Variants in GOLGB1 observed in about 807,000 individuals in gnomAD.
GOLGB1 encodes golgin B1, also known as golgin subfamily B member 1.
In GOLGB1, 174 loss-of-function variants were observed where a neutral mutation model predicts 336.9. The ratio of observed to expected loss-of-function variants is 0.52; its 90% CI spans 0.46 to 0.59. GOLGB1 has a LOEUF of 0.59. Ranked by LOEUF, GOLGB1 falls within the 20% of genes least tolerant of loss-of-function variation. The pLI, the probability that GOLGB1 is intolerant of heterozygous loss-of-function variation, is 0.00. For missense variants in GOLGB1, 3,331 were observed against 3,645.3 expected, an observed-to-expected ratio of 0.91 and a Z score of 2.22; for synonymous variants, 1,208 against 1,289.2, an observed-to-expected ratio of 0.94 and a Z score of 1.35.
intron 1 of GOLGB1, among the ~76,000 whole-genome samples, chr3:121,731,786 A>G (rs1946138713): frequency 6.6e-6 from 1 of 152,226 alleles, no homozygotes; most frequent in African/African-American, 2.4e-5. Context: ...TAGAAAAAGA[A>G]GAACAAATTA....
intron 17 of GOLGB1, among the ~76,000 whole-genome samples, chr3:121,675,057 C>T (rs1210448916): frequency 1.3e-5 from 2 of 150,980 alleles, no homozygotes; most frequent in East Asian, 2.0e-4. Flanking sequence ...AGGATGGTCT[C>T]GATCTCCTGA....
intron 17 of GOLGB1, among the ~76,000 whole-genome samples, chr3:121,670,762 G>GC (rs970469918): frequency 1.3e-5 from 2 of 149,068 alleles, no homozygotes; most frequent in African/African-American, 2.5e-5. Context: ...TTTTGGGGGG[G>GC]GGGGTGTGGG....
chr3:121,743,901 A>T (rs1947057162), intron 1 of GOLGB1, among the ~76,000 whole-genome samples: 1 of 152,204 alleles, frequency 6.6e-6, no homozygotes, highest in Admixed American at 6.5e-5. Flanking sequence ...TAAATAAAAT[A>T]TTAGCAAACT....
intron 8 of GOLGB1, among the ~76,000 whole-genome samples, chr3:121,717,604 G>T (rs1272316798): frequency 6.6e-6 from 1 of 152,184 alleles, no homozygotes; most frequent in East Asian, 1.9e-4. Context: ...ATTATAGTCA[G>T]ATCAGCATTA....
chr3:121,692,200 C>T lies in GOLGB1; in HGVS notation c.7164G>A (p.Lys2388=). 6.3e-7 allele frequency: 1 copy of T among 1,599,796 alleles called. No homozygotes were observed. Among genetic ancestry groups the T allele is most frequent in the Non-Finnish European group, 8.5e-7 (1 of 1,175,986 alleles). Residue 2388 remains lysine, a synonymous_variant, in exon 14 of 22, where the codon AAG becomes AAA. Coordinates refer to ENST00000614479, the MANE Select transcript of GOLGB1 (RefSeq NM_001366282.2). ...LHEEINMKEQ[K]IISLLSGKEE... Reference sequence around the variant, plus strand: ...CCTTGCCAGAAAGCAGGCTTATAATCTTTTGCTCTTTCATATTTATTTCTT... The same window carrying T: ...CCTTGCCAGAAAGCAGGCTTATAATTTTTTGCTCTTTCATATTTATTTCTT...
intron 1 of GOLGB1, among the ~76,000 whole-genome samples, chr3:121,741,127 T>G (rs1234399921): frequency 6.6e-6 from 1 of 152,018 alleles, no homozygotes; most frequent in Admixed American, 6.6e-5. Context: ...ACTTTAGATA[T>G]AAAAAACACA....
intron 15 of GOLGB1, among the ~76,000 whole-genome samples, chr3:121,678,696 C>T (rs1282999369): frequency 6.6e-6 from 1 of 151,964 alleles, no homozygotes; most frequent in South Asian, 2.1e-4. Flanking sequence ...GTCTCCCAAG[C>T]AGCTGGGATT....
intron 19 of GOLGB1, 82 bp from the exon 20 acceptor site, chr3:121,667,692 G>T: frequency 4.0e-6 from 5 of 1,260,728 alleles, no homozygotes; most frequent in Non-Finnish European, 4.5e-6. Context: ...TCTTCATAAG[G>T]TTGTAAAGCA....
intron 1 of GOLGB1, chr3:121,749,230 C>G (rs1186907045): frequency 6.6e-6 from 1 of 152,394 alleles, no homozygotes; most frequent in Non-Finnish European, 1.5e-5. Flanking sequence ...AGCACAGGGG[C>G]CCAGCAGGTT....
intron 10 of GOLGB1, among the ~76,000 whole-genome samples, chr3:121,703,271 A>G (rs1236530501): frequency 6.6e-6 from 1 of 152,226 alleles, no homozygotes; most frequent in African/African-American, 2.4e-5. Flanking sequence ...TTTGACCCCG[A>G]AATCTTCATT....
Position 121,677,025 on chromosome 3 carries a change from G to A in GOLGB1, c.9045C>T (p.Ser3015=). ...PLKVQYQRQA[S]PETSASPDGS... is the part of the protein sequence containing the mutation. ...CATCTGGGGAAGCTGATGTCTCTGGGGATGCCTGCCAGGACACAAACATTG... is the reference window on the plus strand; with the variant it reads ...CATCTGGGGAAGCTGATGTCTCTGGAGATGCCTGCCAGGACACAAACATTG... Residue 3015 remains serine (S), a synonymous_variant, in exon 17 of 22, where the codon TCC becomes TCT. Coordinates refer to ENST00000614479, the MANE Select transcript of GOLGB1 (RefSeq NM_001366282.2). 6.2e-7 allele frequency: 1 copy of A among 1,613,828 alleles called. No homozygotes were observed. The highest frequency in any genetic ancestry group is 1.3e-5 in the African/African-American group (1 of 74,936).
At chr3:121,685,310 G>A (rs984979381) in intron 14 of GOLGB1, among the ~76,000 whole-genome samples, 1 of 152,114 alleles carries the variant, frequency 6.6e-6, no homozygotes, top group African/African-American at 2.4e-5. Context: ...GCTGAGGCAG[G>A]TGGATCACGA....
chr3:121,730,963 G>T lies in GOLGB1; in HGVS notation c.9C>A (p.Ser3Arg), dbSNP rs747747491. Residue 3 changes from serine (S) to arginine (R), a missense_variant, in exon 2 of 22, where the codon AGC (serine) becomes AGA (arginine). Transcript: ENST00000614479. Reference sequence around the variant, plus strand: ...CAACATTTGCTAATCCTGATAATCGGCTCAGCATTTCTGTAGGAAAAGAAG... The same window carrying T: ...CAACATTTGCTAATCCTGATAATCGTCTCAGCATTTCTGTAGGAAAAGAAG... MLSRLSGLANVVL... is the reference protein window; with the variant it reads MLRRLSGLANVVL... The T allele has an allele frequency of 6.2e-7, 1 of 1,611,602 alleles. No homozygotes were observed. Among genetic ancestry groups the T allele is most frequent in the Admixed American group, 1.7e-5 (1 of 59,484 alleles).
intron 1 of GOLGB1, among the ~76,000 whole-genome samples, chr3:121,747,937 G>C (rs1283980507): frequency 2.0e-5 from 3 of 152,076 alleles, no homozygotes; most frequent in Non-Finnish European, 2.9e-5. Flanking sequence ...TCTAACCACA[G>C]ACTGGTATGT....
In GOLGB1 at chr3:121,717,063, T is replaced by C. The variant is rs1944840302; in HGVS notation, c.962A>G (p.Glu321Gly). ...CATCTTTTCCAGTAGAATCTTGGAC[T>C]CCTCTCTTTCTGTTTCCACAGTGTT... ...LRNTVETERE[E>G]SKILLEKMEL... Residue 321 changes from glutamate (E) to glycine (G), a missense_variant, in exon 9 of 22, where the codon GAG (glutamate) becomes GGG (glycine). Physicochemically the swap from Glu to Gly is moderately conservative, Grantham distance 98 (BLOSUM62 -2). Transcript: ENST00000614479. 1 of 1,612,366 alleles carries C rather than the reference T, an allele frequency of 6.2e-7. No individual in the cohort carries two copies.
chr3:121,685,275 G>A (rs184918492), intron 14 of GOLGB1, among the ~76,000 whole-genome samples: 38 of 152,210 alleles, frequency 2.5e-4, no homozygotes, highest in Admixed American at 1.8e-3. Flanking sequence ...AGTGGCTCAC[G>A]CCTGTAATCC....
At chr3:121,742,358 A>C (rs1035285719) in intron 1 of GOLGB1, among the ~76,000 whole-genome samples, 5 of 152,170 alleles carry the variant, frequency 3.3e-5, no homozygotes, top group Non-Finnish European at 5.9e-5. Context: ...CAAAAACAAG[A>C]AATGGGGAAA....
Position 121,695,239 on chromosome 3 carries a change from G to A in GOLGB1, c.5284C>T (p.Gln1762Ter), listed in dbSNP as rs1003934838. 1.9e-6 allele frequency: 3 copies of A among 1,613,242 alleles called. No homozygotes were observed. Among genetic ancestry groups the A allele is most frequent in the Non-Finnish European group, 2.5e-6 (3 of 1,179,774 alleles). ...CCTTCTATCTGATGCTTTAAATCTT[G>A]AACCTCTTCACTTAGAGAGTCTTTC... ...SEKDSLSEEV[Q>*]DLKHQIEGNV... The change falls in exon 13 of 22, where the codon CAA becomes TAA. Residue 1762 changes from glutamine to a stop codon, truncating the protein, a stop_gained. Transcript: ENST00000614479. LOFTEE classifies it high-confidence loss of function.
intron 15 of GOLGB1, among the ~76,000 whole-genome samples, chr3:121,680,767 C>T (rs1252629439): frequency 6.6e-6 from 1 of 152,038 alleles, no homozygotes; most frequent in Non-Finnish European, 1.5e-5. Flanking sequence ...AGAATGCATA[C>T]CTATAATATA....
Sources: gnomAD v4.1 joint callset for allele counts (sites outside exome capture counted in the v4.1 genomes callset) on GRCh38, gnomAD v4.1.1 for gene constraint, MANE v1.5 for transcripts, NCBI Gene and HGNC (gene_info 2026-07-23, HGNC 2026-07-21) for gene names.